The following GRIK4 variants were observed in gnomAD, a reference collection of about 807,000 sequenced individuals.
The protein encoded by GRIK4 is glutamate receptor ionotropic, kainate 4.
In GRIK4, 40 loss-of-function variants were observed where a neutral mutation model predicts 104.9. The observed-to-expected ratio is 0.38, with a 90% CI of 0.30 to 0.50. The LOEUF (loss-of-function observed/expected upper bound fraction) is 0.50, where lower values mean the gene tolerates loss of function less well. Ranked by LOEUF, GRIK4 falls within the 20% of genes least tolerant of loss-of-function variation. The pLI is 0.93. For missense variants in GRIK4, 1,047 were observed against 1,308.1 expected (o/e 0.80, Z 3.08); for synonymous variants, 485 against 524.9 (o/e 0.92, Z 1.04).
chr11:120,935,499 A>G (rs1000793343), intron 13 of GRIK4, among the ~76,000 whole-genome samples: 13 of 152,144 alleles, frequency 8.5e-5, no homozygotes, highest in African/African-American at 3.1e-4. Flanking sequence ...GCAGTGAGCC[A>G]AGATCGCACC....
chr11:120,620,364 A>T (rs1480318833), intron 1 of GRIK4: 1 of 584,636 alleles, frequency 1.7e-6, no homozygotes, highest in African/African-American at 1.9e-5. Flanking sequence ...ACTTGTCTCG[A>T]GCCACCACAG....
Position 120,905,236 on chromosome 11 carries a change from C to T in GRIK4, c.1273-54C>T, listed in dbSNP as rs575453771. On this transcript the variant is annotated intron_variant, in intron 12 of 20. Transcript: ENST00000527524. The surrounding 1 kb of genome is among the most constrained non-coding windows in gnomAD (Gnocchi z 5.1). ...TGCCCCTGGCCCTCCCCATCACACGCGGGTGAGACACCAGGGCTAAGATGA... is the reference window on the plus strand; with the variant it reads ...TGCCCCTGGCCCTCCCCATCACACGTGGGTGAGACACCAGGGCTAAGATGA... 2.9e-5 allele frequency: 39 copies of T among 1,325,998 alleles called. No individual in the cohort carries two copies. The highest frequency in any genetic ancestry group is 3.7e-5 in the Non-Finnish European group (34 of 919,610). 82.1% of individuals were successfully genotyped at this position (1,325,998 alleles called of 1,614,324 possible).
At chr11:120,813,338 C>T (rs923660536) in intron 4 of GRIK4, among the ~76,000 whole-genome samples, 3 of 152,092 alleles carry the variant, frequency 2.0e-5, no homozygotes, top group Non-Finnish European at 4.4e-5. Context: ...AGACCCCACT[C>T]CCCCAAGGCA....
intron 20 of GRIK4, among the ~76,000 whole-genome samples, chr11:120,984,521 C>T (rs1944704998): frequency 6.6e-6 from 1 of 152,164 alleles, no homozygotes; most frequent in Non-Finnish European, 1.5e-5. Context: ...GTAATCCTAG[C>T]ACTTTGGGAG....
chr11:120,710,326 C>T (rs376165079), intron 3 of GRIK4, among the ~76,000 whole-genome samples: 52 of 152,250 alleles, frequency 3.4e-4, no homozygotes, highest in African/African-American at 5.3e-4. Flanking sequence ...TGAGCTGGGC[C>T]GAGTCACCGG....
chr11:120,611,917 C>A (rs1480910744), intron 1 of GRIK4, among the ~76,000 whole-genome samples: 1 of 152,176 alleles, frequency 6.6e-6, no homozygotes, highest in Non-Finnish European at 1.5e-5. Context: ...ATCCTGAGTT[C>A]TTTTGTGCAG....
intron 3 of GRIK4, among the ~76,000 whole-genome samples, chr11:120,797,002 A>T (rs911544974): frequency 6.6e-6 from 1 of 152,160 alleles, no homozygotes; most frequent in Non-Finnish European, 1.5e-5. Flanking sequence ...GGCATGAGCC[A>T]TAGAACTCAG....
intron 1 of GRIK4, among the ~76,000 whole-genome samples, chr11:120,541,643 A>G (rs1948037672): frequency 6.6e-6 from 1 of 152,114 alleles, no homozygotes; most frequent in African/African-American, 2.4e-5. Flanking sequence ...CAGGTGTGCC[A>G]TCACGCCTGG....
intron 3 of GRIK4, among the ~76,000 whole-genome samples, chr11:120,744,857 A>C (rs1425846040): frequency 6.6e-6 from 1 of 152,210 alleles, no homozygotes; most frequent in Non-Finnish European, 1.5e-5. Context: ...AGAGAACAGC[A>C]ATGAATATAT....
intron 3 of GRIK4, among the ~76,000 whole-genome samples, chr11:120,679,994 C>T (rs1002383615): frequency 2.6e-5 from 4 of 152,230 alleles, no homozygotes; most frequent in African/African-American, 9.6e-5. Flanking sequence ...TACTCTTCTT[C>T]TCACCTTGCC....
intron 3 of GRIK4, among the ~76,000 whole-genome samples, chr11:120,795,023 C>T (rs2135499032): frequency 6.6e-6 from 1 of 152,140 alleles, no homozygotes; most frequent in Middle Eastern, 3.4e-3. Context: ...CAGCCAGGGT[C>T]AGCTGGGGAG....
At chr11:120,629,693 G>T (rs895848691) in intron 1 of GRIK4, among the ~76,000 whole-genome samples, 4 of 152,194 alleles carry the variant, frequency 2.6e-5, no homozygotes, top group African/African-American at 4.8e-5. Context: ...GTCCTGCTAG[G>T]CAGAAAGTTT....
intron 1 of GRIK4, among the ~76,000 whole-genome samples, chr11:120,645,503 T>C (rs1949531255): frequency 6.6e-6 from 1 of 152,366 alleles, no homozygotes; most frequent in Admixed American, 6.5e-5. Context: ...CATCATCTAC[T>C]CCTGATCACT....
chr11:120,957,054 C>T, intron 16 of GRIK4, 101 bp downstream of exon 16: 1 of 1,029,142 alleles, frequency 9.7e-7, no homozygotes, highest in Non-Finnish European at 1.4e-6. Context: ...AGAGCCTCTG[C>T]CTCTTACAGC....
chr11:120,756,890 C>T (rs1951663892), intron 3 of GRIK4, among the ~76,000 whole-genome samples: 1 of 152,216 alleles, frequency 6.6e-6, no homozygotes, highest in African/African-American at 2.4e-5. Flanking sequence ...CTGTGCTGTG[C>T]ACCTGCAGCC....
chr11:120,667,592 G>A (rs754291219), intron 3 of GRIK4, among the ~76,000 whole-genome samples: 11 of 152,264 alleles, frequency 7.2e-5, no homozygotes, highest in Non-Finnish European at 1.5e-4. Flanking sequence ...AGCTTTACGG[G>A]GGCTGGGGCT....
intron 1 of GRIK4, among the ~76,000 whole-genome samples, chr11:120,646,937 G>T (rs1186309175): frequency 6.6e-6 from 1 of 152,158 alleles, no homozygotes; most frequent in African/African-American, 2.4e-5. Context: ...CTATTTTATG[G>T]GAAAGTAAGG....
At chr11:120,947,131 C>T (rs1024011688) in intron 14 of GRIK4, among the ~76,000 whole-genome samples, 1 of 152,116 alleles carries the variant, frequency 6.6e-6, no homozygotes, top group African/African-American at 2.4e-5. Flanking sequence ...AGGCTGGGCA[C>T]GGTGGCTCAT....
At chr11:120,863,323 A>T (rs1954310510) in intron 9 of GRIK4, among the ~76,000 whole-genome samples, 1 of 152,230 alleles carries the variant, frequency 6.6e-6, no homozygotes, top group African/African-American at 2.4e-5. Context: ...TACATTATTC[A>T]GTACAGTCAC....
Sources: gnomAD v4.1 joint callset for allele counts (sites outside exome capture counted in the v4.1 genomes callset) on GRCh38, gnomAD v4.1.1 for gene constraint, Gnocchi (gnomAD v3.1) non-coding constraint, MANE v1.5 for transcripts, NCBI Gene and HGNC (gene_info 2026-07-23, HGNC 2026-07-21) for gene names.